The following PTPN14 variants were observed in gnomAD, a reference collection of about 807,000 sequenced individuals.
PTPN14 encodes protein tyrosine phosphatase non-receptor type 14.
A neutral mutation model predicts 126.8 loss-of-function variants in PTPN14; 53 were observed. The ratio of observed to expected loss-of-function variants is 0.42; its 90% CI spans 0.34 to 0.53. The LOEUF (loss-of-function observed/expected upper bound fraction) is 0.53. Among genes scored for constraint, PTPN14 ranks in the 20% least tolerant of loss-of-function variants. The probability of loss-of-function intolerance (pLI) is 0.08; values close to 1 mark genes in which losing one functional copy is unlikely to be tolerated. For synonymous variants in PTPN14, 630 were observed against 599.3 expected (o/e 1.05, Z -0.75); for missense variants, 1,257 against 1,552.9 (o/e 0.81, Z 3.20).
intron 1 of PTPN14, among the ~76,000 whole-genome samples, chr1:214,485,022 C>A (rs1233320793): frequency 6.6e-6 from 1 of 152,140 alleles, no homozygotes; most frequent in Non-Finnish European, 1.5e-5. Context: ...AAAGAAAATG[C>A]CATCTCAACA....
intron 5 of PTPN14, among the ~76,000 whole-genome samples, chr1:214,408,955 AAAACAAAACTTTAATTCT>A (rs1467790953): frequency 6.6e-6 from 1 of 152,214 alleles, no homozygotes; most frequent in Non-Finnish European, 1.5e-5. Flanking sequence ...TTGTTAAAAC[AAAACAAAACTTTAATTCT>A]ATTGACAAAT....
rs534184785 is a variant in PTPN14 at position 214,504,805 on chromosome 1, T to C, written c.-154-39848A>G. On this transcript the variant is annotated intron_variant, in intron 1 of 18. Coordinates refer to ENST00000366956, the MANE Select transcript of PTPN14 (RefSeq NM_005401.5). ...TTTTCCTGCAGGAGGTAAGGTAACA[T>C]ACTGAATCTGCAGACAAGTAGGACT... 1.0e-3 allele frequency among the ~76,000 whole-genome samples: 158 copies of C among 152,114 alleles called. 1 individual carries two copies. The highest frequency in any genetic ancestry group is 3.5e-3 in the African/African-American group (146 of 41,502).
chr1:214,374,459 T>C (rs1238334950), intron 15 of PTPN14, among the ~76,000 whole-genome samples: 2 of 152,356 alleles, frequency 1.3e-5, no homozygotes, highest in African/African-American at 2.4e-5. Context: ...ATGCTGCTGC[T>C]GCCTGGGGCC....
At position 214,352,327 on chromosome 1, in the gene PTPN14, G is replaced by T. The variant is rs563285550; in HGVS notation, c.*5595C>A. 1 of 152,310 alleles carries T rather than the reference G, an allele frequency of 6.6e-6. No individual in the cohort carries two copies. The highest frequency in any genetic ancestry group is 2.4e-5 in the African/African-American group (1 of 41,576). The allele number at this position is 152,310 out of a possible 1,614,324, so 9.4% of individuals were successfully genotyped here. ...TTAAGCTGAAAAGATAAGAAAGGTAGTCTACTGAATAAAAATACTTACCTA... is the reference window on the plus strand; with the variant it reads ...TTAAGCTGAAAAGATAAGAAAGGTATTCTACTGAATAAAAATACTTACCTA... On this transcript the variant is annotated 3_prime_UTR_variant, in exon 19 of 19. Transcript: ENST00000366956.
intron 1 of PTPN14, among the ~76,000 whole-genome samples, chr1:214,493,812 A>T (rs1661301794): frequency 6.6e-6 from 1 of 152,216 alleles, no homozygotes; most frequent in Admixed American, 6.5e-5. Flanking sequence ...TACACTAGTT[A>T]AGATCTTTCA....
intron 12 of PTPN14, among the ~76,000 whole-genome samples, chr1:214,386,042 G>C (rs146782272): frequency 1.3e-5 from 2 of 152,200 alleles, no homozygotes; most frequent in African/African-American, 4.8e-5. Context: ...CAACATCCAC[G>C]GTTTTCTACC....
Position 214,474,180 on chromosome 1 carries a change from C to T in PTPN14, c.-154-9223G>A, listed in dbSNP as rs992499134. Among the ~76,000 whole-genome samples, 4 of 152,160 alleles carry T rather than the reference C, an allele frequency of 2.6e-5. No homozygotes were observed. The South Asian group carries it at 6.2e-4, about 24-fold the overall frequency. On this transcript the variant is annotated intron_variant, in intron 1 of 18. Coordinates refer to ENST00000366956, the MANE Select transcript of PTPN14 (RefSeq NM_005401.5). ...ATTCCTACTGTGTTATAATTCATTA[C>T]AGTAATACCTCACCTATATGAAACA...
At chr1:214,518,755 TAA>T (rs1227405386) in intron 1 of PTPN14, among the ~76,000 whole-genome samples, 1 of 152,120 alleles carries the variant, frequency 6.6e-6, no homozygotes, top group East Asian at 1.9e-4. Context: ...TTATTTTAGA[TAA>T]AGTTATATTC....
intron 1 of PTPN14, among the ~76,000 whole-genome samples, chr1:214,498,665 G>T (rs574639350): frequency 3.0e-4 from 45 of 152,196 alleles, no homozygotes; most frequent in African/African-American, 7.9e-4. Flanking sequence ...ACAAGAAAAT[G>T]TGTTCAAAGC....
At chr1:214,427,056 G>A (rs1407392237) in intron 3 of PTPN14, among the ~76,000 whole-genome samples, 3 of 152,102 alleles carry the variant, frequency 2.0e-5, no homozygotes, top group Middle Eastern at 3.4e-3. Flanking sequence ...CGAGGCGGGC[G>A]GATCACAAGG....
At chr1:214,502,647 C>A (rs1165359063) in intron 1 of PTPN14, among the ~76,000 whole-genome samples, 1 of 152,168 alleles carries the variant, frequency 6.6e-6, no homozygotes, top group Non-Finnish European at 1.5e-5. Context: ...GCAGGAGCCA[C>A]TGTGCGAGGC....
In PTPN14 at chr1:214,356,805, C is replaced by T. The variant is rs1392985652; in HGVS notation, c.*1117G>A. ...ATTTGATGTGTTTCCTGGCCAGGAC[C>T]CCTGTTATGTAGCTAAATGCCTTAC... On this transcript the variant is annotated 3_prime_UTR_variant, in exon 19 of 19. Transcript: ENST00000366956. 6.6e-6 allele frequency: 1 copy of T among 152,140 alleles called. No homozygotes were observed. The highest frequency in any genetic ancestry group is 1.5e-5 in the Non-Finnish European group (1 of 68,040). The allele number at this position is 152,140 out of a possible 1,614,324, so 9.4% of individuals were successfully genotyped here.
intron 3 of PTPN14, among the ~76,000 whole-genome samples, chr1:214,431,854 C>T (rs1164678975): frequency 6.6e-6 from 1 of 152,192 alleles, no homozygotes; most frequent in Non-Finnish European, 1.5e-5. Flanking sequence ...GCCATAAACA[C>T]TCATGAAATG....
intron 1 of PTPN14, among the ~76,000 whole-genome samples, chr1:214,520,065 A>AAAAAAAAAAAATATATATATAT: frequency 2.1e-4 from 15 of 71,100 alleles, no homozygotes; most frequent in South Asian, 1.3e-3. Context: ...AAAAAAAAAA[A>AAAAAAAAAAAATATATATATAT]ATATATATAT....
intron 1 of PTPN14, among the ~76,000 whole-genome samples, chr1:214,509,600 T>C (rs1394317036): frequency 6.6e-6 from 1 of 152,242 alleles, no homozygotes; most frequent in Non-Finnish European, 1.5e-5. Flanking sequence ...CAATTTTTAT[T>C]TCTTTCAAGA....
chr1:214,393,125 A>G (rs1658796596), intron 10 of PTPN14, among the ~76,000 whole-genome samples: 1 of 152,128 alleles, frequency 6.6e-6, no homozygotes, highest in Non-Finnish European at 1.5e-5. Flanking sequence ...CCTCTTTATC[A>G]TCTTTATTTC....
intron 1 of PTPN14, among the ~76,000 whole-genome samples, chr1:214,504,045 C>A (rs918654127): frequency 6.6e-6 from 1 of 152,244 alleles, no homozygotes; most frequent in East Asian, 1.9e-4. Flanking sequence ...AGAGAATGGT[C>A]ATAGGAATGC....
At chr1:214,448,552 G>A (rs1418319632) in intron 3 of PTPN14, among the ~76,000 whole-genome samples, 1 of 151,920 alleles carries the variant, frequency 6.6e-6, no homozygotes, top group Non-Finnish European at 1.5e-5. Flanking sequence ...GACACTGCCC[G>A]GCCTATTCAT....
chr1:214,359,246 C>T (rs1657896515), intron 18 of PTPN14, among the ~76,000 whole-genome samples: 1 of 149,540 alleles, frequency 6.7e-6, no homozygotes. Context: ...CGGAGTCTCA[C>T]TCTGTCTCCC....
Sources: gnomAD v4.1 joint callset for allele counts (sites outside exome capture counted in the v4.1 genomes callset) on GRCh38, gnomAD v4.1.1 for gene constraint, MANE v1.5 for transcripts, NCBI Gene and HGNC (gene_info 2026-07-23, HGNC 2026-07-21) for gene names.